Variants in SMG6 observed in about 807,000 individuals in gnomAD.
SMG6 encodes telomerase-binding protein EST1A.
In SMG6, 66 loss-of-function variants were observed where a neutral mutation model predicts 142.2. The ratio of observed to expected loss-of-function variants is 0.46; its 90% CI spans 0.38 to 0.57. The LOEUF (loss-of-function observed/expected upper bound fraction) is 0.57. SMG6 is among the 20% of genes least tolerant of loss of function. The pLI, the probability that SMG6 is intolerant of heterozygous loss-of-function variation, is 0.00. For synonymous variants in SMG6, 779 were observed against 702.4 expected (o/e 1.11, Z -1.72); for missense variants, 1,793 against 1,832.0 (o/e 0.98, Z 0.39).
At chr17:2,091,834 C>A (rs2068728129) in intron 13 of SMG6, among the ~76,000 whole-genome samples, 1 of 110,408 alleles carries the variant, frequency 9.1e-6, no homozygotes, top group Non-Finnish European at 2.0e-5. Context: ...CCACGCCCAG[C>A]TAATTTTGTG....
intron 13 of SMG6, among the ~76,000 whole-genome samples, chr17:2,088,953 A>G (rs2068640609): frequency 6.6e-6 from 1 of 152,222 alleles, no homozygotes; most frequent in African/African-American, 2.4e-5. Flanking sequence ...AGTCAGGGAA[A>G]AAGCAACACA....
intron 10 of SMG6, among the ~76,000 whole-genome samples, chr17:2,192,265 T>C (rs536603206): frequency 7.2e-5 from 11 of 152,262 alleles, no homozygotes; most frequent in East Asian, 5.8e-4. Flanking sequence ...AGGGAGAGAT[T>C]TGAAGGAAAC....
chr17:2,277,033 A>T (rs2074665192), intron 8 of SMG6, among the ~76,000 whole-genome samples: 1 of 151,864 alleles, frequency 6.6e-6, no homozygotes. Flanking sequence ...CGCCTGCCTC[A>T]GCCTCCCAAA....
At chr17:2,081,060 C>A (rs181155783) in intron 15 of SMG6, among the ~76,000 whole-genome samples, 100 of 152,328 alleles carry the variant, frequency 6.6e-4, no homozygotes, top group African/African-American at 2.1e-3. Flanking sequence ...ATGCATCAAA[C>A]CCTATGCCAA....
chr17:2,299,825 C>A lies in SMG6; in HGVS notation c.928G>T (p.Asp310Tyr). Residue 310 changes from aspartate (D) to tyrosine (Y), a missense_variant, in exon 2 of 19, where the codon GAT becomes TAT. Physicochemically the swap from Asp to Tyr is radical, Grantham distance 160 (BLOSUM62 -3). This residue lies in a region of SMG6 where 1,597 missense variants were observed against 1,584.6 expected (regional missense o/e 1.01). Coordinates refer to ENST00000263073, the MANE Select transcript of SMG6 (RefSeq NM_017575.5). The surrounding 1 kb of genome is among the most constrained non-coding windows in gnomAD (Gnocchi z 4.3). ...CTGGGTCCTAATCCATCAGGCTCAT[C>A]AATTCTGTCCTCGTCTAAGGAATCG... The part of the protein sequence containing the change: ...STDSLDEDRI[D>Y]EPDGLGPRRS... 1 of 1,614,220 alleles carries A rather than the reference C, an allele frequency of 6.2e-7. No individual in the cohort carries two copies. Among genetic ancestry groups the A allele is most frequent in the Non-Finnish European group, 8.5e-7 (1 of 1,180,036 alleles).
Position 2,068,835 on chromosome 17 carries a change from C to A in SMG6, c.3778G>T (p.Ala1260Ser). The A allele has an allele frequency of 6.2e-7, 1 of 1,614,232 alleles. No homozygotes were observed. Among genetic ancestry groups the A allele is most frequent in the Non-Finnish European group, 8.5e-7 (1 of 1,180,030 alleles). The change falls in exon 16 of 19, where the codon GCC (alanine) becomes TCC (serine). Residue 1260 changes from alanine (A) to serine (S), a missense_variant. Coordinates refer to ENST00000263073, the MANE Select transcript of SMG6 (RefSeq NM_017575.5). The surrounding 1 kb of genome is among the most constrained non-coding windows in gnomAD (Gnocchi z 6.7). ...CTCTCCAGCAGCCGCGCCAGACTGG[C>A]CAGGTGGTCAATGAAGCCGTTGGTG... ...PDTNGFIDHL[A>S]SLARLLESRK...
At position 2,068,794 on chromosome 17, in the gene SMG6, C is replaced by G; in HGVS notation, c.3819G>C (p.Leu1273=). ...CTGACTCACCGATGAGGGGCACCAC[C>G]AGGATGTACTTCCTGCTCTCCAGCA... ...ARLLESRKYI[L]VVPLIVINEL... The change falls in exon 16 of 19, where the codon CTG becomes CTC. Residue 1273 remains leucine (L), a synonymous_variant. Transcript: ENST00000263073. This position sits in a 1 kb window ranked among gnomAD's most constrained non-coding sequence, Gnocchi z 6.7. 2.5e-6 allele frequency: 4 copies of G among 1,614,152 alleles called. No individual in the cohort carries two copies. The highest frequency in any genetic ancestry group is 2.5e-6 in the Non-Finnish European group (3 of 1,179,992).
chr17:2,236,561 T>A lies in SMG6; in HGVS notation c.2800A>T (p.Ile934Phe), dbSNP rs907071899. 1 of 1,613,770 alleles carries A rather than the reference T, an allele frequency of 6.2e-7. No individual in the cohort carries two copies. The highest frequency in any genetic ancestry group is 8.5e-7 in the Non-Finnish European group (1 of 1,179,894). ...QVLLQHSPSP[I>F]GSTRMLQLMT... ...AGCTGCAGCATGCGGGTACTTCCAA[T>A]GGGAGAGGGGCTGTGCTGCAGTAAC... Residue 934 changes from isoleucine (I) to phenylalanine (F), a missense_variant, in exon 10 of 19, where the codon ATT (isoleucine) becomes TTT (phenylalanine). Transcript: ENST00000263073.
At chr17:2,109,007 C>A (rs1272866699) in intron 13 of SMG6, among the ~76,000 whole-genome samples, 2 of 152,156 alleles carry the variant, frequency 1.3e-5, no homozygotes, top group Admixed American at 1.3e-4. Context: ...CTAATGTCAT[C>A]CCCATTTTTC....
intron 15 of SMG6, among the ~76,000 whole-genome samples, chr17:2,080,936 G>C (rs1468070166): frequency 6.6e-6 from 1 of 152,178 alleles, no homozygotes; most frequent in African/African-American, 2.4e-5. Context: ...CGCCCGGCCA[G>C]CACTTTCATT....
At chr17:2,257,098 T>C (rs2074200849) in intron 8 of SMG6, among the ~76,000 whole-genome samples, 1 of 151,500 alleles carries the variant, frequency 6.6e-6, no homozygotes, top group South Asian at 2.1e-4. Flanking sequence ...TTTTTTTTTT[T>C]TTTTTGAGAC....
intron 13 of SMG6, among the ~76,000 whole-genome samples, chr17:2,119,472 G>A (rs2069614940): frequency 6.6e-6 from 1 of 151,852 alleles, no homozygotes; most frequent in South Asian, 2.1e-4. Flanking sequence ...GGGATTATAG[G>A]CATTAGTCAC....
intron 18 of SMG6, among the ~76,000 whole-genome samples, chr17:2,063,430 T>C (rs1343313306): frequency 2.0e-5 from 3 of 152,262 alleles, no homozygotes; most frequent in African/African-American, 4.8e-5. Context: ...ACACCAGCCA[T>C]TGCTGATGTC....
chr17:2,237,642 C>G (rs1223833585), intron 9 of SMG6: 5 of 843,776 alleles, frequency 5.9e-6, no homozygotes, highest in Non-Finnish European at 7.1e-6. Context: ...CAGGAAGAGG[C>G]TGTAACGCAG....
chr17:2,124,313 A>T (rs781585404), intron 13 of SMG6, among the ~76,000 whole-genome samples: 2 of 152,242 alleles, frequency 1.3e-5, no homozygotes, highest in Non-Finnish European at 2.9e-5. Context: ...GCCACAGGGC[A>T]GTAAGGTAGA....
intron 8 of SMG6, among the ~76,000 whole-genome samples, chr17:2,257,332 C>T (rs1028098948): frequency 1.8e-4 from 28 of 152,208 alleles, no homozygotes; most frequent in African/African-American, 6.0e-4. Context: ...GATCTGCCCA[C>T]CTCCCAAAGT....
intron 10 of SMG6, 32 bp downstream of exon 10, chr17:2,236,460 T>C (rs913201062): frequency 6.2e-7 from 1 of 1,602,456 alleles, no homozygotes; most frequent in African/African-American, 1.3e-5. Context: ...TATCTGTCTA[T>C]ATTCTAGATG....
At chr17:2,276,914 T>G (rs2074662031) in intron 8 of SMG6, among the ~76,000 whole-genome samples, 1 of 151,956 alleles carries the variant, frequency 6.6e-6, no homozygotes, top group Non-Finnish European at 1.5e-5. Context: ...CTTGAGTAGC[T>G]GGGATTACAG....
At chr17:2,097,503 T>C (rs190940098) in intron 13 of SMG6, among the ~76,000 whole-genome samples, 188 of 152,326 alleles carry the variant, frequency 1.2e-3, no homozygotes, top group African/African-American at 4.4e-3. Flanking sequence ...TGTTACTGTG[T>C]TGAATCTGTA....
Sources: gnomAD v4.1 joint callset for allele counts (sites outside exome capture counted in the v4.1 genomes callset) on GRCh38, gnomAD v4.1.1 for gene constraint, gnomAD v4.1.1 regional missense constraint, Gnocchi (gnomAD v3.1) non-coding constraint, MANE v1.5 for transcripts, NCBI Gene and HGNC (gene_info 2026-07-23, HGNC 2026-07-21) for gene names.